Variants in LRCH3 observed in about 807,000 individuals in gnomAD.
LRCH3 encodes the protein DISP complex protein LRCH3.
LRCH3 carries 68 observed loss-of-function variants against 104.5 expected under a neutral mutation model. That is an observed-to-expected ratio of 0.65 (90% CI 0.54 to 0.80). The LOEUF (loss-of-function observed/expected upper bound fraction) is 0.80, where lower values mean the gene tolerates loss of function less well. Ranked by LOEUF, LRCH3 falls within the 30% of genes least tolerant of loss-of-function variation. The pLI, the probability that LRCH3 is intolerant of heterozygous loss-of-function variation, is 0.00. For missense variants in LRCH3, 951 were observed against 953.9 expected, an observed-to-expected ratio of 1.00 and a Z score of 0.04; for synonymous variants, 344 against 361.3, an observed-to-expected ratio of 0.95 and a Z score of 0.54.
chr3:197,795,892 C>A (rs573959080), intron 1 of LRCH3, among the ~76,000 whole-genome samples: 1 of 151,846 alleles, frequency 6.6e-6, no homozygotes, highest in South Asian at 2.1e-4. Flanking sequence ...GGGGTTTCAC[C>A]ATATTGGCCA....
rs1714311020 is a variant in LRCH3, at chr3:197,887,532, T to G, written c.*3866T>G. Reference sequence around the variant, plus strand: ...CAGAGCCCTTCCCATCACTGAACAGTGTTGGCGGCTGAGAGCCCCCCAGCA... The same window carrying G: ...CAGAGCCCTTCCCATCACTGAACAGGGTTGGCGGCTGAGAGCCCCCCAGCA... On this transcript the variant is annotated 3_prime_UTR_variant, in exon 21 of 21. Coordinates refer to ENST00000425562, the MANE Select transcript of LRCH3 (RefSeq NM_001365715.1). 5 of 121,968 alleles carry G rather than the reference T, an allele frequency of 4.1e-5. No homozygotes were observed. The Admixed American group carries it at 4.3e-4, about 10-fold the overall frequency. 7.6% of individuals were successfully genotyped at this position (121,968 alleles called of 1,614,324 possible).
chr3:197,864,028 G>A (rs576435651), intron 15 of LRCH3, among the ~76,000 whole-genome samples: 7 of 152,298 alleles, frequency 4.6e-5, no homozygotes, highest in African/African-American at 1.7e-4. Flanking sequence ...CAACTAGGCC[G>A]GGCGTGGTGG....
At chr3:197,816,191 T>C (rs1446532991) in intron 2 of LRCH3, among the ~76,000 whole-genome samples, 1 of 152,164 alleles carries the variant, frequency 6.6e-6, no homozygotes, top group Non-Finnish European at 1.5e-5. Flanking sequence ...ATCTTACAAA[T>C]GGGGAGGGAA....
chr3:197,866,921 C>G (rs1414256650), intron 17 of LRCH3, among the ~76,000 whole-genome samples: 1 of 151,886 alleles, frequency 6.6e-6, no homozygotes, highest in African/African-American at 2.4e-5. Context: ...AGGCAGATCA[C>G]TTGAGGTCGG....
In LRCH3 at chr3:197,852,758, G is replaced by T. The variant is rs930491147; in HGVS notation, c.1590+138G>T. The T allele has an allele frequency of 5.9e-6, 5 of 849,354 alleles. No homozygotes were observed. In the African/African-American group the frequency reaches 8.5e-5, roughly 15 times the overall value. The allele number at this position is 849,354 out of a possible 1,614,324, so 52.6% of individuals were successfully genotyped here. ...TTCCACCTCACAATATTCTCCTTAT[G>T]AGGGAGATGATACAAGCCAAGGAGT... On this transcript the variant is annotated intron_variant, in intron 13 of 20. Transcript: ENST00000425562.
At chr3:197,794,356 A>G (rs1730956374) in intron 1 of LRCH3, among the ~76,000 whole-genome samples, 1 of 152,216 alleles carries the variant, frequency 6.6e-6, no homozygotes. Context: ...ATCTGTGGCT[A>G]AAGGACAGAG....
At chr3:197,879,437 G>C (rs188226674) in intron 20 of LRCH3, among the ~76,000 whole-genome samples, 9 of 151,634 alleles carry the variant, frequency 5.9e-5, no homozygotes, top group Non-Finnish European at 1.2e-4. Flanking sequence ...ACGAGGTCAG[G>C]AGATCGAGAC....
intron 2 of LRCH3, 120 bp from the exon 3 acceptor site, chr3:197,817,056 C>T (rs1052923976): frequency 1.2e-6 from 1 of 839,560 alleles, no homozygotes; most frequent in Non-Finnish European, 1.8e-6. Flanking sequence ...AACTCCAGTA[C>T]CCTGTTTGTT....
intron 1 of LRCH3, among the ~76,000 whole-genome samples, chr3:197,806,749 A>T (rs531194267): frequency 6.7e-6 from 1 of 148,828 alleles, no homozygotes; most frequent in Non-Finnish European, 1.5e-5. Context: ...GTGGAGTTTC[A>T]CCATGTTGTC....
intron 20 of LRCH3, among the ~76,000 whole-genome samples, chr3:197,879,497 T>G (rs1386554225): frequency 1.3e-5 from 2 of 150,326 alleles, no homozygotes; most frequent in Non-Finnish European, 2.9e-5. Flanking sequence ...ATACAAAAAA[T>G]TAGCCGGGCG....
intron 1 of LRCH3, among the ~76,000 whole-genome samples, chr3:197,806,665 G>C (rs1371014721): frequency 6.6e-6 from 1 of 151,188 alleles, no homozygotes; most frequent in East Asian, 2.0e-4. Context: ...GATCACCTGA[G>C]GTCAGGAGTT....
At chr3:197,862,247 C>G (rs1374791408) in intron 15 of LRCH3, among the ~76,000 whole-genome samples, 1 of 152,044 alleles carries the variant, frequency 6.6e-6, no homozygotes, top group Non-Finnish European at 1.5e-5. Flanking sequence ...CTGCCCACCT[C>G]TGCCTCCCGA....
intron 15 of LRCH3, among the ~76,000 whole-genome samples, chr3:197,864,333 C>T (rs1254151577): frequency 7.3e-6 from 1 of 136,776 alleles, no homozygotes; most frequent in East Asian, 2.1e-4. Context: ...AACAGCTGGG[C>T]GTGGTGGCTC....
intron 20 of LRCH3, among the ~76,000 whole-genome samples, chr3:197,877,774 T>TC (rs1713073020): frequency 6.6e-6 from 1 of 152,130 alleles, no homozygotes; most frequent in South Asian, 2.1e-4. Context: ...TTGCTGTTTT[T>TC]TTTTTAACTG....
At chr3:197,873,221 C>G (rs1400651885) in intron 19 of LRCH3, among the ~76,000 whole-genome samples, 1 of 152,222 alleles carries the variant, frequency 6.6e-6, no homozygotes, top group African/African-American at 2.4e-5. Context: ...ACAACGAACA[C>G]TATTAAAGTC....
intron 12 of LRCH3, among the ~76,000 whole-genome samples, chr3:197,848,678 C>CCTGT (rs1163470915): frequency 6.6e-6 from 1 of 152,194 alleles, no homozygotes; most frequent in African/African-American, 2.4e-5. Context: ...GTCTGTTTTA[C>CCTGT]TTACTGCTGT....
chr3:197,868,933 C>G (rs1711678899), intron 17 of LRCH3, among the ~76,000 whole-genome samples: 2 of 152,138 alleles, frequency 1.3e-5, no homozygotes, highest in African/African-American at 4.8e-5. Context: ...TTTTTGAGCA[C>G]TGTGCTTACG....
At chr3:197,823,672 A>G (rs1734762368) in intron 4 of LRCH3, among the ~76,000 whole-genome samples, 1 of 151,842 alleles carries the variant, frequency 6.6e-6, no homozygotes, top group African/African-American at 2.4e-5. Context: ...ATTGTTTTGT[A>G]GAGACAAGGG....
intron 7 of LRCH3, chr3:197,831,131 A>G (rs1735877202): frequency 3.1e-6 from 1 of 322,286 alleles, no homozygotes; most frequent in Admixed American, 4.4e-5. Context: ...GAGCCAGTTG[A>G]AACTGAAGCC....
Sources: allele counts gnomAD v4.1 joint callset (sites outside exome capture counted in the v4.1 genomes callset), GRCh38; gene constraint gnomAD v4.1.1; transcripts MANE v1.5; gene names NCBI Gene and HGNC (gene_info 2026-07-23, HGNC 2026-07-21).